ASAP3: variants seen among roughly 807,000 people sequenced by gnomAD.
The protein encoded by ASAP3 is arf-GAP with SH3 domain, ANK repeat and PH domain-containing protein 3.
A neutral mutation model predicts 118.2 loss-of-function variants in ASAP3; 85 were observed. The ratio of observed to expected loss-of-function variants is 0.72; its 90% CI spans 0.60 to 0.86. The LOEUF (loss-of-function observed/expected upper bound fraction) is 0.86. ASAP3 is among the 40% of genes least tolerant of loss of function. The probability of loss-of-function intolerance (pLI) is 0.00; values close to 1 mark genes in which losing one functional copy is unlikely to be tolerated. For synonymous variants in ASAP3, 432 were observed against 477.4 expected (o/e 0.90, Z 1.24); for missense variants, 1,026 against 1,175.0 (o/e 0.87, Z 1.85).
rs192646654 is a variant in ASAP3, at chr1:23,454,171, C to T, written c.349-1400G>A. Among the ~76,000 whole-genome samples, 114 of 148,506 alleles carry T rather than the reference C, an allele frequency of 7.7e-4. 2 individuals carry two copies. The East Asian group carries it at 0.021, about 27-fold the overall frequency. ...GAGTAGCTGGGACCACAGGCATACG[C>T]CCCCACACCTGGCATTTTTTTTTTT... On this transcript the variant is annotated intron_variant, in intron 3 of 24. Transcript: ENST00000336689.
Position 23,456,017 on chromosome 1 carries a change from T to C in ASAP3, c.212A>G (p.Glu71Gly). Residue 71 changes from glutamate to glycine, a missense_variant, in exon 3 of 25, where the codon GAG (glutamate) becomes GGG (glycine). Coordinates refer to ENST00000336689, the MANE Select transcript of ASAP3 (RefSeq NM_017707.4). ...AIHSSGLGHVENEEQYREAVE... is the reference protein window; with the variant it reads ...AIHSSGLGHVGNEEQYREAVE... ...GGCCTCTCGGTACTGCTCTTCATTC[T>C]CCACATGGCCTGTGGAGGTACAGAC... is the stretch of plus-strand genomic sequence containing the variant. 6.2e-7 allele frequency: 1 copy of C among 1,614,110 alleles called. No individual in the cohort carries two copies. The highest frequency in any genetic ancestry group is 8.5e-7 in the Non-Finnish European group (1 of 1,179,998).
chr1:23,476,382 G>A (rs1040494232), intron 1 of ASAP3, among the ~76,000 whole-genome samples: 3 of 151,730 alleles, frequency 2.0e-5, no homozygotes, highest in Non-Finnish European at 4.4e-5. Context: ...AAGAAATGTG[G>A]GACACAATCT....
chr1:23,481,829 A>C (rs1182746129), intron 1 of ASAP3, among the ~76,000 whole-genome samples: 1 of 152,228 alleles, frequency 6.6e-6, no homozygotes. Flanking sequence ...TCCTGCTCTA[A>C]GATTCTAATG....
At chr1:23,481,540 G>A (rs1397367561) in intron 1 of ASAP3, among the ~76,000 whole-genome samples, 2 of 152,240 alleles carry the variant, frequency 1.3e-5, no homozygotes, top group East Asian at 1.9e-4. Context: ...AGATGCTGAA[G>A]AGAAAAGCTG....
At position 23,464,504 on chromosome 1, in the gene ASAP3, A is replaced by T. The variant is rs576636970; in HGVS notation, c.130-8310T>A. Among the ~76,000 whole-genome samples, 43 of 151,592 alleles carry T rather than the reference A, an allele frequency of 2.8e-4. No homozygotes were observed. The South Asian group carries it at 3.5e-3, about 13-fold the overall frequency. Reference sequence around the variant, plus strand: ...ACCCGACCATTACAAAAAATTTTTTAAAAAAGTTAGCCAAGTGCTGTGACA... The same window carrying T: ...ACCCGACCATTACAAAAAATTTTTTTAAAAAGTTAGCCAAGTGCTGTGACA... On this transcript the variant is annotated intron_variant, in intron 1 of 24. Transcript: ENST00000336689.
At chr1:23,431,645 TCA>T (rs762966017) in intron 23 of ASAP3, 49 bp downstream of exon 23, 80 of 1,472,852 alleles carry the variant, frequency 5.4e-5, no homozygotes, top group Non-Finnish European at 7.1e-5. Context: ...CAATGGATGC[TCA>T]GAGAAGTCAG....
chr1:23,482,730 T>C (rs1309442818), intron 1 of ASAP3, among the ~76,000 whole-genome samples: 2 of 151,732 alleles, frequency 1.3e-5, no homozygotes, highest in Non-Finnish European at 1.5e-5. Context: ...GGGCGGATCA[T>C]GAGGTCAGGA....
chr1:23,450,834 G>C (rs1415422950), intron 5 of ASAP3, among the ~76,000 whole-genome samples: 2 of 152,176 alleles, frequency 1.3e-5, no homozygotes, highest in Non-Finnish European at 2.9e-5. Flanking sequence ...CAAAGGCTGG[G>C]ATCTGGACAG....
At position 23,436,859 on chromosome 1, in the gene ASAP3, C is replaced by A; in HGVS notation, c.1476+52G>T. ...CTGCAAGCCCCGCCCCCGGATGAAA[C>A]TACACCCCTAACTCCGCTTCTGGCC... On this transcript the variant is annotated intron_variant, in intron 15 of 24. Transcript: ENST00000336689. This position sits in a 1 kb window ranked among gnomAD's most constrained non-coding sequence, Gnocchi z 4.2. 1.3e-6 allele frequency: 2 copies of A among 1,572,320 alleles called. No homozygotes were observed. The highest frequency in any genetic ancestry group is 2.3e-5 in the South Asian group (2 of 88,450).
chr1:23,429,452 G>C lies in ASAP3; in HGVS notation c.*404C>G, dbSNP rs1640347595. On this transcript the variant is annotated 3_prime_UTR_variant, in exon 25 of 25. Coordinates refer to ENST00000336689, the MANE Select transcript of ASAP3 (RefSeq NM_017707.4). ...TAATAAATGGCTGGCTGAGAAGACAGTCCCTACTTGGCAGGGTCCCTGATC... is the reference window on the plus strand; with the variant it reads ...TAATAAATGGCTGGCTGAGAAGACACTCCCTACTTGGCAGGGTCCCTGATC... 1 of 161,330 alleles carries C rather than the reference G, an allele frequency of 6.2e-6. No homozygotes were observed. Among genetic ancestry groups the C allele is most frequent in the East Asian group, 1.8e-4 (1 of 5,594 alleles). The allele number at this position is 161,330 out of a possible 1,614,324, so 10.0% of individuals were successfully genotyped here. A position where few individuals can be genotyped will look rare whatever the true frequency, so the allele number is the denominator to read the frequency against.
Position 23,433,615 on chromosome 1 carries a change from C to A in ASAP3, c.2019+11G>T. On this transcript the variant is annotated intron_variant, in intron 20 of 24. Transcript: ENST00000336689. ...AAGAGTCAGGGGCCCCTTGCCTCCC[C>A]GAGTCCTCACCAGCTCCTCACACTC... is the stretch of plus-strand genomic sequence containing the variant. 6.2e-7 allele frequency: 1 copy of A among 1,614,198 alleles called. No individual in the cohort carries two copies. The highest frequency in any genetic ancestry group is 8.5e-7 in the Non-Finnish European group (1 of 1,180,030).
chr1:23,433,642 T>TGTGGTG lies in ASAP3; in HGVS notation c.2002_2003insCACCAC (p.Lys668delinsThrProGln). 1 of 1,614,234 alleles carries TGTGGTG rather than the reference T, an allele frequency of 6.2e-7. No individual in the cohort carries two copies. Among genetic ancestry groups the TGTGGTG allele is most frequent in the Non-Finnish European group, 8.5e-7 (1 of 1,180,044 alleles). On this transcript the variant is annotated protein_altering_variant, in exon 20 of 25. Coordinates refer to ENST00000336689, the MANE Select transcript of ASAP3 (RefSeq NM_017707.4). ...AGTCCTCACCAGCTCCTCACACTCC[T>TGTGGTG]TGTGGTGCTTCTTCCTGGCTATGTC... is the stretch of plus-strand genomic sequence containing the variant.
intron 5 of ASAP3, among the ~76,000 whole-genome samples, chr1:23,450,477 A>G (rs1641178044): frequency 6.6e-6 from 1 of 152,182 alleles, no homozygotes; most frequent in Non-Finnish European, 1.5e-5. Context: ...CTTCATACAT[A>G]GAAAAATAAA....
chr1:23,466,911 A>G (rs1207323924), intron 1 of ASAP3, among the ~76,000 whole-genome samples: 1 of 152,158 alleles, frequency 6.6e-6, no homozygotes, highest in Non-Finnish European at 1.5e-5. Context: ...TCTGTAGCCC[A>G]GGCTGGAGTG....
rs1325957120 is a variant in ASAP3, at chr1:23,437,664, C to T, written c.1103-192G>A. On this transcript the variant is annotated intron_variant, in intron 12 of 24. Coordinates refer to ENST00000336689, the MANE Select transcript of ASAP3 (RefSeq NM_017707.4). The surrounding 1 kb of genome is among the most constrained non-coding windows in gnomAD (Gnocchi z 6.1). ...GGGGCAGTTTCTCAGAACTGGCCTC[C>T]GAAGTAGGATCCCAACAAAGCTCCC... Among the ~76,000 whole-genome samples, 2 of 152,114 alleles carry T rather than the reference C, an allele frequency of 1.3e-5. No individual in the cohort carries two copies.
rs1640757260 is a variant in ASAP3, at chr1:23,438,616, C to T, written c.1102+131G>A. The T allele has an allele frequency of 2.8e-6, 2 of 704,854 alleles. No homozygotes were observed. The highest frequency in any genetic ancestry group is 2.4e-6 in the Non-Finnish European group (1 of 412,358). 43.7% of individuals were successfully genotyped at this position (704,854 alleles called of 1,614,324 possible). A position where few individuals can be genotyped will look rare whatever the true frequency, so the allele number is the denominator to read the frequency against. ...CTAGACCTAAGGATTCTTATGTCTG[C>T]AGTAGCAGCAATTCGACACCATGTG... On this transcript the variant is annotated intron_variant, in intron 12 of 24. Coordinates refer to ENST00000336689, the MANE Select transcript of ASAP3 (RefSeq NM_017707.4). The surrounding 1 kb of genome is among the most constrained non-coding windows in gnomAD (Gnocchi z 4.9).
chr1:23,449,820 T>A (rs2148628276), intron 5 of ASAP3, among the ~76,000 whole-genome samples: 1 of 152,294 alleles, frequency 6.6e-6, no homozygotes, highest in Non-Finnish European at 1.5e-5. Context: ...GAAGGCTCAA[T>A]ATAGAAACCT....
rs1341646712 is a variant in ASAP3 at position 23,438,390 on chromosome 1, G to A, written c.1102+357C>T. On this transcript the variant is annotated intron_variant, in intron 12 of 24. Coordinates refer to ENST00000336689, the MANE Select transcript of ASAP3 (RefSeq NM_017707.4). The surrounding 1 kb of genome is among the most constrained non-coding windows in gnomAD (Gnocchi z 4.9). Reference sequence around the variant, plus strand: ...CAAAGCCTGCACCAAAGGCTCTGAAGAACGAAAAGTAGAAAATGTAAAGAA... The same window carrying A: ...CAAAGCCTGCACCAAAGGCTCTGAAAAACGAAAAGTAGAAAATGTAAAGAA... 1.3e-5 allele frequency among the ~76,000 whole-genome samples: 2 copies of A among 151,980 alleles called. No individual in the cohort carries two copies. Among genetic ancestry groups the A allele is most frequent in the Non-Finnish European group, 2.9e-5 (2 of 68,008 alleles).
intron 10 of ASAP3, among the ~76,000 whole-genome samples, chr1:23,440,576 GC>G (rs1381575234): frequency 7.1e-6 from 1 of 141,098 alleles, no homozygotes; most frequent in East Asian, 2.3e-4. Context: ...GCTACTGCCA[GC>G]CGGGCGCGGT....
Sources: allele counts gnomAD v4.1 joint callset (sites outside exome capture counted in the v4.1 genomes callset), GRCh38; gene constraint gnomAD v4.1.1; non-coding constraint Gnocchi (gnomAD v3.1); transcripts MANE v1.5; gene names NCBI Gene and HGNC (gene_info 2026-07-23, HGNC 2026-07-21).